The following MGAT4A variants were observed in gnomAD, a reference collection of about 807,000 sequenced individuals.
The protein encoded by MGAT4A is alpha-1,3-mannosyl-glycoprotein 4-beta-N-acetylglucosaminyltransferase A.
MGAT4A carries 33 observed loss-of-function variants against 74.1 expected under a neutral mutation model. That is an observed-to-expected ratio of 0.45 (90% CI 0.34 to 0.60). The LOEUF (loss-of-function observed/expected upper bound fraction) is 0.60. Among genes scored for constraint, MGAT4A ranks in the 20% least tolerant of loss-of-function variants. The pLI is 0.02. For missense variants in MGAT4A, 479 were observed against 628.3 expected (o/e 0.76, Z 2.54); for synonymous variants, 198 against 210.4 (o/e 0.94, Z 0.51).
At chr2:98,638,335 TATA>T (rs1219729264) in intron 12 of MGAT4A, among the ~76,000 whole-genome samples, 1 of 152,208 alleles carries the variant, frequency 6.6e-6, no homozygotes, top group African/African-American at 2.4e-5. Context: ...CCTATACACA[TATA>T]ATGCCATAAT....
intron 2 of MGAT4A, among the ~76,000 whole-genome samples, chr2:98,722,868 A>G (rs1342601463): frequency 2.0e-5 from 3 of 152,002 alleles, no homozygotes; most frequent in East Asian, 1.9e-4. Context: ...TGCTTCATCA[A>G]TCTCACCCAG....
chr2:98,691,000 A>G (rs1702187104), intron 2 of MGAT4A, among the ~76,000 whole-genome samples: 1 of 152,144 alleles, frequency 6.6e-6, no homozygotes, highest in African/African-American at 2.4e-5. Context: ...GAACTGTAAC[A>G]AAAGATCTGA....
chr2:98,630,770 G>A (rs1559154209), intron 14 of MGAT4A, among the ~76,000 whole-genome samples: 2 of 152,138 alleles, frequency 1.3e-5, no homozygotes, highest in Admixed American at 6.5e-5. Context: ...ATCATTACGG[G>A]AACTGCCTCT....
At chr2:98,663,845 C>T (rs1385282784) in intron 4 of MGAT4A, among the ~76,000 whole-genome samples, 1 of 152,148 alleles carries the variant, frequency 6.6e-6, no homozygotes, top group Admixed American at 6.5e-5. Flanking sequence ...AACAGTGTAG[C>T]ATCAACGTTA....
At chr2:98,651,823 T>C (rs905775202) in intron 8 of MGAT4A, among the ~76,000 whole-genome samples, 9 of 152,174 alleles carry the variant, frequency 5.9e-5, no homozygotes, top group Non-Finnish European at 2.9e-5. Context: ...ACAAGAAACT[T>C]ACTTTACATC....
intron 1 of MGAT4A, 33 bp from the exon 2 acceptor site, chr2:98,726,600 T>C (rs1172453184): frequency 5.0e-6 from 2 of 399,834 alleles, no homozygotes; most frequent in Non-Finnish European, 8.9e-6. Context: ...TCAAGCTCAT[T>C]CGGTAATGCA....
In MGAT4A at chr2:98,728,105, AT is replaced by A. The variant is rs150425851; in HGVS notation, c.-235-1539del. 3.9e-3 allele frequency among the ~76,000 whole-genome samples: 590 copies of A among 152,382 alleles called. 7 individuals are homozygous for A. Among genetic ancestry groups the A allele is most frequent in the African/African-American group, 0.013 (558 of 41,592 alleles). On this transcript the variant is annotated intron_variant, in intron 1 of 15. Transcript: ENST00000393487. ...CCAACTGTAAGTGTAAATTAAAAAA[AT>A]AAATTATATAACACACACTGATCTA...
chr2:98,709,970 CAA>C (rs1215048219), intron 2 of MGAT4A, among the ~76,000 whole-genome samples: 1 of 152,112 alleles, frequency 6.6e-6, no homozygotes, highest in Non-Finnish European at 1.5e-5. Flanking sequence ...CAACACAGAG[CAA>C]AGTCTTAGCC....
At chr2:98,709,632 T>C (rs1415353453) in intron 2 of MGAT4A, among the ~76,000 whole-genome samples, 1 of 152,154 alleles carries the variant, frequency 6.6e-6, no homozygotes, top group East Asian at 1.9e-4. Context: ...AGTATGAGAT[T>C]TCCTGGAACA....
intron 14 of MGAT4A, among the ~76,000 whole-genome samples, chr2:98,631,751 C>T (rs377676077): frequency 1.2e-4 from 19 of 152,316 alleles, no homozygotes; most frequent in East Asian, 3.9e-4. Context: ...TCCAAGCCCA[C>T]GTGTGATCCA....
At chr2:98,707,848 C>T (rs1376427606) in intron 2 of MGAT4A, among the ~76,000 whole-genome samples, 1 of 152,134 alleles carries the variant, frequency 6.6e-6, no homozygotes, top group Non-Finnish European at 1.5e-5. Flanking sequence ...GTGTAATCTC[C>T]GGAGTCCTTT....
chr2:98,655,328 T>C (rs1701642018), intron 8 of MGAT4A, 117 bp downstream of exon 8: 3 of 694,932 alleles, frequency 4.3e-6, no homozygotes, highest in Admixed American at 3.1e-5. Context: ...GAGATAGTTA[T>C]GATTTGTCAG....
chr2:98,629,775 C>T (rs920162516), intron 14 of MGAT4A, among the ~76,000 whole-genome samples: 3 of 152,134 alleles, frequency 2.0e-5, no homozygotes, highest in Non-Finnish European at 2.9e-5. Context: ...CAGCCACAGT[C>T]GCTCACACCT....
intron 4 of MGAT4A, among the ~76,000 whole-genome samples, chr2:98,671,261 T>C (rs1025081944): frequency 2.6e-5 from 4 of 152,240 alleles, no homozygotes; most frequent in African/African-American, 9.6e-5. Context: ...CTCCAGTGGA[T>C]CACTGAAACG....
At chr2:98,701,438 C>A (rs946627430) in intron 2 of MGAT4A, among the ~76,000 whole-genome samples, 2 of 152,178 alleles carry the variant, frequency 1.3e-5, no homozygotes, top group African/African-American at 4.8e-5. Flanking sequence ...AGTTAATGTT[C>A]TGTAATAACC....
At chr2:98,644,125 C>G in intron 9 of MGAT4A, 72 bp from the exon 10 acceptor site, 2 of 1,412,248 alleles carry the variant, frequency 1.4e-6, no homozygotes, top group African/African-American at 2.9e-5. Context: ...TTCATGAAAT[C>G]TTGCCCACGA....
intron 2 of MGAT4A, among the ~76,000 whole-genome samples, chr2:98,715,477 A>C (rs1334135705): frequency 6.6e-6 from 1 of 152,172 alleles, no homozygotes; most frequent in African/African-American, 2.4e-5. Context: ...ATAAAAAAAG[A>C]ACGAGATCAT....
At chr2:98,720,227 T>C (rs1053111842) in intron 2 of MGAT4A, among the ~76,000 whole-genome samples, 8 of 152,262 alleles carry the variant, frequency 5.3e-5, no homozygotes, top group African/African-American at 1.4e-4. Context: ...ACATTATTTC[T>C]GGATATGTCT....
At chr2:98,714,368 T>C (rs922220573) in intron 2 of MGAT4A, among the ~76,000 whole-genome samples, 4 of 152,134 alleles carry the variant, frequency 2.6e-5, no homozygotes, top group African/African-American at 7.3e-5. Context: ...ATTATAGGCA[T>C]GAGCCACCGC....
Sources: allele counts gnomAD v4.1 joint callset (sites outside exome capture counted in the v4.1 genomes callset), GRCh38; gene constraint gnomAD v4.1.1; transcripts MANE v1.5; gene names NCBI Gene and HGNC (gene_info 2026-07-23, HGNC 2026-07-21).